Variants in MYO9A observed in about 807,000 individuals in gnomAD.
MYO9A encodes the protein unconventional myosin-IXa.
MYO9A carries 103 observed loss-of-function variants against 293.3 expected under a neutral mutation model. That is an observed-to-expected ratio of 0.35 (90% CI 0.30 to 0.41). MYO9A has a LOEUF of 0.41. Ranked by LOEUF, MYO9A falls within the 10% of genes least tolerant of loss-of-function variation. The pLI is 1.00. For missense variants in MYO9A, 2,685 were observed against 3,033.0 expected (o/e 0.89, Z 2.69); for synonymous variants, 1,001 against 1,035.7 (o/e 0.97, Z 0.64).
Position 71,859,803 on chromosome 15 carries a change from A to G in MYO9A, c.6092-7T>C. The G allele has an allele frequency of 6.2e-7, 1 of 1,612,320 alleles. No individual in the cohort carries two copies. Among genetic ancestry groups the G allele is most frequent in the South Asian group, 1.1e-5 (1 of 90,966 alleles). ...TGGCAAGCATACTTGCATACTGAAA[A>G]ATAGGTGAGGAATGCAACATTTTTA... On this transcript the variant is annotated splice_polypyrimidine_tract_variant and splice_region_variant and intron_variant, in intron 33 of 41. Transcript: ENST00000356056.
At chr15:72,056,928 G>C (rs2078737235) in intron 1 of MYO9A, among the ~76,000 whole-genome samples, 1 of 152,154 alleles carries the variant, frequency 6.6e-6, no homozygotes, top group Non-Finnish European at 1.5e-5. Flanking sequence ...TAGCCAACAT[G>C]GTGAAACGCT....
At chr15:71,838,388 C>T (rs2055021781) in intron 39 of MYO9A, among the ~76,000 whole-genome samples, 1 of 151,974 alleles carries the variant, frequency 6.6e-6, no homozygotes, top group Admixed American at 6.5e-5. Context: ...AAGCCCTGTC[C>T]AAGATTATAT....
At chr15:72,032,411 G>A in intron 3 of MYO9A, 83 bp downstream of exon 3, 1 of 837,190 alleles carries the variant, frequency 1.2e-6, no homozygotes, top group Non-Finnish European at 1.7e-6. Flanking sequence ...GTCTGGGAAT[G>A]AACAATACAT....
At chr15:72,035,280 A>G (rs1596439507) in intron 2 of MYO9A, among the ~76,000 whole-genome samples, 1 of 152,348 alleles carries the variant, frequency 6.6e-6, no homozygotes, top group African/African-American at 2.4e-5. Flanking sequence ...CTGGCTATTT[A>G]CTACTGAGAA....
chr15:71,898,287 G>A lies in MYO9A; in HGVS notation c.4216C>T (p.Pro1406Ser). ...VCSSESITCK[P>S]QLKDSFISNS... ...GAAATGAAGGAGTCTTTCAGCTGTG[G>A]TTTACAGGTAATAGACTCAGAACTG... The change falls in exon 25 of 42, where the codon CCA (proline) becomes TCA (serine). Residue 1406 changes from proline to serine, a missense_variant. Coordinates refer to ENST00000356056, the MANE Select transcript of MYO9A (RefSeq NM_006901.4). The A allele has an allele frequency of 1.9e-6, 3 of 1,614,052 alleles. No homozygotes were observed. The highest frequency in any genetic ancestry group is 1.7e-5 in the Admixed American group (1 of 59,984).
intron 1 of MYO9A, among the ~76,000 whole-genome samples, chr15:72,099,394 T>C: frequency 7.8e-6 from 1 of 127,502 alleles, no homozygotes; most frequent in South Asian, 2.4e-4. Context: ...TGAGCCGAGA[T>C]GCTGGGCAAT....
chr15:71,921,301 T>A (rs1294442074), intron 18 of MYO9A, among the ~76,000 whole-genome samples: 1 of 152,208 alleles, frequency 6.6e-6, no homozygotes, highest in African/African-American at 2.4e-5. Flanking sequence ...GGCTAACTTG[T>A]TATCCAAAAG....
chr15:71,855,025 T>G (rs949840986), intron 34 of MYO9A, among the ~76,000 whole-genome samples: 1 of 152,224 alleles, frequency 6.6e-6, no homozygotes, highest in Non-Finnish European at 1.5e-5. Context: ...TGAAAAATGA[T>G]TTCATAATTA....
At chr15:72,008,963 T>C (rs1231780990) in intron 7 of MYO9A, among the ~76,000 whole-genome samples, 1 of 152,184 alleles carries the variant, frequency 6.6e-6, no homozygotes, top group African/African-American at 2.4e-5. Flanking sequence ...GATATTACCT[T>C]AGGAACATTT....
intron 11 of MYO9A, among the ~76,000 whole-genome samples, chr15:71,986,544 C>A (rs557908960): frequency 6.6e-6 from 1 of 152,296 alleles, no homozygotes; most frequent in East Asian, 1.9e-4. Context: ...TTCATATTAT[C>A]TACTGACGTC....
In MYO9A at chr15:72,102,645, A is replaced by C. The variant is rs545158296; in HGVS notation, c.-72+15035T>G. The stretch of plus-strand genomic sequence containing the variant: ...ATCTCAAAAAAATCCAAGAAAATTC[A>C]GTAGTTATACACGTCTCTAATGGAG... On this transcript the variant is annotated intron_variant, in intron 1 of 41. Transcript: ENST00000356056. Among the ~76,000 whole-genome samples the C allele has an allele frequency of 7.2e-5, 11 of 152,284 alleles. No homozygotes were observed. In the South Asian group the frequency reaches 2.1e-3, roughly 29 times the overall value.
chr15:72,095,141 G>C (rs1050969817), intron 1 of MYO9A, among the ~76,000 whole-genome samples: 1 of 92,500 alleles, frequency 1.1e-5, no homozygotes, highest in African/African-American at 2.6e-5. Flanking sequence ...TAGTGAGAAA[G>C]GCATGCTGAA....
chr15:71,933,645 C>CA, intron 18 of MYO9A, 25 bp downstream of exon 18: 12 of 1,583,010 alleles, frequency 7.6e-6, no homozygotes, highest in Admixed American at 1.8e-5. Context: ...AATACCAATA[C>CA]AAAAAAAGTT....
chr15:72,100,530 G>C (rs2080241698), intron 1 of MYO9A, among the ~76,000 whole-genome samples: 1 of 146,238 alleles, frequency 6.8e-6, no homozygotes, highest in East Asian at 2.0e-4. Context: ...CCTCTTTCCG[G>C]CCGCCATCAC....
chr15:71,871,916 A>G (rs1398509932), intron 32 of MYO9A, among the ~76,000 whole-genome samples: 1 of 151,550 alleles, frequency 6.6e-6, no homozygotes, highest in African/African-American at 2.4e-5. Flanking sequence ...AAATATATAT[A>G]ATCATTTATA....
chr15:72,090,507 T>C (rs1346944208), intron 1 of MYO9A, among the ~76,000 whole-genome samples: 1 of 152,208 alleles, frequency 6.6e-6, no homozygotes, highest in Admixed American at 6.5e-5. Flanking sequence ...TCATTTACTG[T>C]TTCTATACTA....
chr15:72,069,817 T>C (rs1253783879), intron 1 of MYO9A, among the ~76,000 whole-genome samples: 1 of 125,232 alleles, frequency 8.0e-6, no homozygotes, highest in Non-Finnish European at 1.7e-5. Flanking sequence ...AATGGGGGGG[T>C]GGGGCGCAGG....
intron 19 of MYO9A, among the ~76,000 whole-genome samples, chr15:71,913,932 C>G (rs2057933574): frequency 6.6e-6 from 1 of 152,102 alleles, no homozygotes; most frequent in Non-Finnish European, 1.5e-5. Context: ...CTCCTCTAAT[C>G]CTGTATAAGT....
chr15:71,855,221 C>T (rs1429164932), intron 34 of MYO9A, among the ~76,000 whole-genome samples: 1 of 152,162 alleles, frequency 6.6e-6, no homozygotes, highest in Admixed American at 6.5e-5. Flanking sequence ...CTGCAACCTC[C>T]ACCTCCCAGG....
Sources: allele counts gnomAD v4.1 joint callset (sites outside exome capture counted in the v4.1 genomes callset), GRCh38; gene constraint gnomAD v4.1.1; transcripts MANE v1.5; gene names NCBI Gene and HGNC (gene_info 2026-07-23, HGNC 2026-07-21).